The following KIAA1671 variants were observed in gnomAD, a reference collection of about 807,000 sequenced individuals.
KIAA1671 encodes KIAA1671.
In KIAA1671, 52 loss-of-function variants were observed where a neutral mutation model predicts 131.2. The ratio of observed to expected loss-of-function variants is 0.40; its 90% CI spans 0.32 to 0.50. The LOEUF is 0.50. Ranked by LOEUF, KIAA1671 falls within the 20% of genes least tolerant of loss-of-function variation. The probability of loss-of-function intolerance (pLI) is 0.73; values close to 1 mark genes in which losing one functional copy is unlikely to be tolerated. For synonymous variants in KIAA1671, 1,003 were observed against 961.6 expected (o/e 1.04, Z -0.80); for missense variants, 2,360 against 2,364.2 (o/e 1.00, Z 0.04).
chr22:25,083,720 A>G (rs1929534919), intron 6 of KIAA1671, among the ~76,000 whole-genome samples: 1 of 152,204 alleles, frequency 6.6e-6, no homozygotes, highest in Non-Finnish European at 1.5e-5. Flanking sequence ...CATTCTATTG[A>G]ATTTACCAAG....
intron 6 of KIAA1671, among the ~76,000 whole-genome samples, chr22:25,153,972 C>T (rs751144994): frequency 6.6e-6 from 1 of 152,218 alleles, no homozygotes; most frequent in Non-Finnish European, 1.5e-5. Flanking sequence ...ATCCTAGCAC[C>T]TCAGGGCCAA....
chr22:24,983,280 G>A (rs1295575183), intron 1 of KIAA1671, among the ~76,000 whole-genome samples: 1 of 152,178 alleles, frequency 6.6e-6, no homozygotes, highest in Non-Finnish European at 1.5e-5. Context: ...AGTGTCCTCA[G>A]AGCCACACTG....
intron 6 of KIAA1671, among the ~76,000 whole-genome samples, chr22:25,081,755 C>T (rs1267060400): frequency 6.6e-6 from 1 of 151,962 alleles, no homozygotes; most frequent in African/African-American, 2.4e-5. Flanking sequence ...CCTGACTTGT[C>T]CAAAGGTTGC....
intron 6 of KIAA1671, among the ~76,000 whole-genome samples, chr22:25,073,470 C>T (rs1173322717): frequency 6.6e-6 from 1 of 152,202 alleles, no homozygotes; most frequent in Non-Finnish European, 1.5e-5. Flanking sequence ...GAAATTAGTA[C>T]TGCAGTCAAG....
chr22:25,170,777 T>C, intron 6 of KIAA1671, 43 bp from the exon 7 acceptor site: 1 of 1,537,260 alleles, frequency 6.5e-7, no homozygotes, highest in South Asian at 1.2e-5. Flanking sequence ...GGGTTCTGAG[T>C]ACATTTCCTG....
Position 25,196,279 on chromosome 22 carries a change from C to G in KIAA1671, c.*3878C>G, listed in dbSNP as rs1033812947. ...CTTAAAATGGACACCCCTCAGCCCG[C>G]CCTCCCCTTTGGCCTTCCCAGAATC... On this transcript the variant is annotated 3_prime_UTR_variant, in exon 13 of 13. Coordinates refer to ENST00000358431, the MANE Select transcript of KIAA1671 (RefSeq NM_001145206.2). The G allele has an allele frequency of 1.3e-5, 2 of 152,154 alleles. No homozygotes were observed. Among genetic ancestry groups the G allele is most frequent in the African/African-American group, 2.4e-5 (1 of 41,420 alleles). The allele number at this position is 152,154 out of a possible 1,614,324, so 9.4% of individuals were successfully genotyped here.
chr22:25,068,464 C>T (rs1273274389), intron 6 of KIAA1671, among the ~76,000 whole-genome samples: 2 of 151,878 alleles, frequency 1.3e-5, no homozygotes, highest in South Asian at 2.1e-4. Context: ...TGAGACAGAG[C>T]CTCACTCTGT....
intron 6 of KIAA1671, among the ~76,000 whole-genome samples, chr22:25,093,555 G>A (rs1930124629): frequency 1.3e-5 from 2 of 152,202 alleles, no homozygotes; most frequent in South Asian, 4.2e-4. Context: ...CTTCCTCCAA[G>A]GGATCTCATT....
rs902430757 is a variant in KIAA1671 at position 25,030,784 on chromosome 22, C to T, written c.1541+1244C>T. ...ACAGAGAGATGCCACTCGGCATGATCGACTGGCTCTTAATGGCATGCATGC... is the reference window on the plus strand; with the variant it reads ...ACAGAGAGATGCCACTCGGCATGATTGACTGGCTCTTAATGGCATGCATGC... On this transcript the variant is annotated intron_variant, in intron 3 of 12. Coordinates refer to ENST00000358431, the MANE Select transcript of KIAA1671 (RefSeq NM_001145206.2). Among the ~76,000 whole-genome samples the T allele has an allele frequency of 3.5e-4, 54 of 152,320 alleles. 1 individual carries two copies. The highest frequency in any genetic ancestry group is 1.1e-3 in the African/African-American group (45 of 41,578).
At chr22:25,101,407 T>C (rs1273514769) in intron 6 of KIAA1671, among the ~76,000 whole-genome samples, 1 of 152,218 alleles carries the variant, frequency 6.6e-6, no homozygotes, top group African/African-American at 2.4e-5. Context: ...CGCTGCTTTC[T>C]ACTTGAGCTG....
At chr22:25,081,337 G>C (rs895172520) in intron 6 of KIAA1671, among the ~76,000 whole-genome samples, 1 of 152,196 alleles carries the variant, frequency 6.6e-6, no homozygotes, top group Non-Finnish European at 1.5e-5. Context: ...TCCAGCCCTC[G>C]CTGCTCTGTG....
intron 6 of KIAA1671, among the ~76,000 whole-genome samples, chr22:25,066,939 C>T (rs2145843192): frequency 6.6e-6 from 1 of 152,240 alleles, no homozygotes; most frequent in Admixed American, 6.5e-5. Flanking sequence ...TGCAGGTGGC[C>T]CCCTGCCATG....
chr22:24,961,820 T>G (rs1922035037), intron 1 of KIAA1671, among the ~76,000 whole-genome samples: 1 of 152,172 alleles, frequency 6.6e-6, no homozygotes, highest in Non-Finnish European at 1.5e-5. Flanking sequence ...GTAGGACGGG[T>G]CCTTGCAGGA....
At chr22:25,010,757 C>T in intron 1 of KIAA1671, 1 of 152,084 alleles carries the variant, frequency 6.6e-6, no homozygotes. Context: ...AAACCCAAAC[C>T]AACAATGGCT....
intron 6 of KIAA1671, among the ~76,000 whole-genome samples, chr22:25,138,008 A>G (rs1428815796): frequency 6.6e-6 from 1 of 152,232 alleles, no homozygotes. Flanking sequence ...CTCAGTGTAC[A>G]ATGACTCATT....
intron 6 of KIAA1671, among the ~76,000 whole-genome samples, chr22:25,115,658 A>G (rs1931615100): frequency 6.6e-6 from 1 of 152,234 alleles, no homozygotes; most frequent in Non-Finnish European, 1.5e-5. Context: ...GAAGCAGAGT[A>G]AGAGCCTGAT....
chr22:25,139,590 GA>G (rs1932777204), intron 6 of KIAA1671, among the ~76,000 whole-genome samples: 1 of 152,202 alleles, frequency 6.6e-6, no homozygotes, highest in African/African-American at 2.4e-5. Flanking sequence ...ATTTATCAGA[GA>G]ACAGACCATT....
chr22:25,056,809 C>T (rs1171770346), intron 6 of KIAA1671: 2 of 70,482 alleles, frequency 2.8e-5, no homozygotes. Flanking sequence ...GAGACTCTGT[C>T]TCAAAAAAAA....
chr22:25,075,639 G>A (rs964583359), intron 6 of KIAA1671, among the ~76,000 whole-genome samples: 2 of 147,070 alleles, frequency 1.4e-5, no homozygotes, highest in African/African-American at 5.0e-5. Context: ...CTACAGGCAC[G>A]TGCTACCACA....
Sources: allele counts gnomAD v4.1 joint callset (sites outside exome capture counted in the v4.1 genomes callset), GRCh38; gene constraint gnomAD v4.1.1; transcripts MANE v1.5; gene names NCBI Gene and HGNC (gene_info 2026-07-23, HGNC 2026-07-21).